The following DGKB variants were observed in gnomAD, a reference collection of about 807,000 sequenced individuals.
DGKB encodes the protein 90 kDa diacylglycerol kinase.
In DGKB, 67 loss-of-function variants were observed where a neutral mutation model predicts 114.3. The ratio of observed to expected loss-of-function variants is 0.59; its 90% CI spans 0.48 to 0.72. DGKB has a LOEUF of 0.72. Ranked by LOEUF, DGKB falls within the 30% of genes least tolerant of loss-of-function variation. DGKB has a pLI of 0.00. For synonymous variants in DGKB, 398 were observed against 323.1 expected, an observed-to-expected ratio of 1.23 and a Z score of -2.49; for missense variants, 907 against 975.2, an observed-to-expected ratio of 0.93 and a Z score of 0.93.
intron 16 of DGKB, among the ~76,000 whole-genome samples, chr7:14,609,937 T>G (rs568492195): frequency 6.6e-6 from 1 of 152,252 alleles, no homozygotes; most frequent in East Asian, 1.9e-4. Context: ...TGTAAATTAG[T>G]TCAGCCATTG....
chr7:14,563,678 T>C (rs1305221022), intron 20 of DGKB, among the ~76,000 whole-genome samples: 1 of 151,832 alleles, frequency 6.6e-6, no homozygotes, highest in Non-Finnish European at 1.5e-5. Context: ...TCTTGGTGGT[T>C]TAATTGGTCC....
chr7:14,971,448 T>C (rs1787462545), intron 1 of DGKB, among the ~76,000 whole-genome samples: 1 of 152,170 alleles, frequency 6.6e-6, no homozygotes, highest in Admixed American at 6.6e-5. Flanking sequence ...ACAAGATAGC[T>C]GTCTGTGTGA....
At chr7:14,856,674 T>C (rs1359896329) in intron 1 of DGKB, among the ~76,000 whole-genome samples, 1 of 152,104 alleles carries the variant, frequency 6.6e-6, no homozygotes, top group Non-Finnish European at 1.5e-5. Flanking sequence ...TGTATATATA[T>C]ATAAAATTTA....
At chr7:14,463,902 T>C (rs888224725) in intron 21 of DGKB, among the ~76,000 whole-genome samples, 3 of 152,182 alleles carry the variant, frequency 2.0e-5, no homozygotes, top group African/African-American at 4.8e-5. Context: ...TTGTAGTCTA[T>C]TGCCACAAGG....
At chr7:14,567,449 TTA>T (rs1231144175) in intron 20 of DGKB, among the ~76,000 whole-genome samples, 5 of 62,938 alleles carry the variant, frequency 7.9e-5, no homozygotes, top group South Asian at 3.8e-4. Flanking sequence ...ATATTATATA[TTA>T]TATATAATTA....
intron 2 of DGKB, among the ~76,000 whole-genome samples, chr7:14,790,419 G>C (rs1171408556): frequency 6.6e-6 from 1 of 150,470 alleles, no homozygotes; most frequent in Non-Finnish European, 1.5e-5. Context: ...CCCAAAAACT[G>C]TTCAGTTTTA....
At chr7:14,690,970 T>C (rs1822748845) in intron 9 of DGKB, among the ~76,000 whole-genome samples, 1 of 152,206 alleles carries the variant, frequency 6.6e-6, no homozygotes, top group East Asian at 1.9e-4. Context: ...TTCTGACCCA[T>C]TCATCTTGTA....
At chr7:14,157,833 A>T (rs888288958) in intron 25 of DGKB, among the ~76,000 whole-genome samples, 1 of 152,190 alleles carries the variant, frequency 6.6e-6, no homozygotes, top group Non-Finnish European at 1.5e-5. Flanking sequence ...CTGTGGTCAC[A>T]TGGAAAATAG....
At chr7:14,411,301 T>C (rs1285304447) in intron 21 of DGKB, among the ~76,000 whole-genome samples, 1 of 152,176 alleles carries the variant, frequency 6.6e-6, no homozygotes, top group Non-Finnish European at 1.5e-5. Context: ...TATTTGACAT[T>C]TTGTTGTAGT....
chr7:14,660,060 GC>G (rs1474833365), intron 13 of DGKB, among the ~76,000 whole-genome samples: 1 of 151,144 alleles, frequency 6.6e-6, no homozygotes, highest in Non-Finnish European at 1.5e-5. Flanking sequence ...TATTGAACCA[GC>G]CTTGCATCCC....
At chr7:14,943,087 G>C (rs1270098601) in intron 1 of DGKB, among the ~76,000 whole-genome samples, 1 of 151,738 alleles carries the variant, frequency 6.6e-6, no homozygotes, top group Non-Finnish European at 1.5e-5. Context: ...ACTGATAATG[G>C]TGTGCTTTAT....
At chr7:14,708,669 C>T (rs1257919697) in intron 6 of DGKB, among the ~76,000 whole-genome samples, 1 of 151,580 alleles carries the variant, frequency 6.6e-6, no homozygotes, top group Non-Finnish European at 1.5e-5. Context: ...CGCATACCTA[C>T]AACTGTCTGA....
intron 2 of DGKB, among the ~76,000 whole-genome samples, chr7:14,799,526 T>G (rs1055103045): frequency 1.3e-5 from 2 of 152,242 alleles, no homozygotes; most frequent in Admixed American, 1.3e-4. Context: ...TCTGTCTCAA[T>G]GGGATTTTTA....
At chr7:14,708,706 A>C (rs774706288) in intron 6 of DGKB, among the ~76,000 whole-genome samples, 37 of 151,532 alleles carry the variant, frequency 2.4e-4, no homozygotes, top group African/African-American at 4.9e-4. Context: ...GAAAAACAAG[A>C]AATGGGGAAA....
intron 1 of DGKB, among the ~76,000 whole-genome samples, chr7:14,967,681 T>C (rs1335681443): frequency 2.0e-5 from 3 of 151,514 alleles, no homozygotes; most frequent in Non-Finnish European, 4.4e-5. Context: ...AAAAAGTCTT[T>C]CATAATTAAA....
chr7:14,653,561 C>A (rs1320572363), intron 13 of DGKB, among the ~76,000 whole-genome samples: 3 of 151,622 alleles, frequency 2.0e-5, no homozygotes, highest in African/African-American at 7.3e-5. Context: ...TGCTAGATGA[C>A]GAGTTAGTGG....
chr7:14,972,909 T>C (rs1011159467), intron 1 of DGKB, among the ~76,000 whole-genome samples: 1 of 152,044 alleles, frequency 6.6e-6, no homozygotes, highest in African/African-American at 2.4e-5. Flanking sequence ...TACATACATA[T>C]AGGTGGGAGC....
intron 1 of DGKB, among the ~76,000 whole-genome samples, chr7:14,886,128 G>T (rs1010538017): frequency 2.0e-5 from 3 of 151,834 alleles, no homozygotes; most frequent in African/African-American, 7.3e-5. Context: ...GTAAGAGTTT[G>T]TAATTGTCTA....
intron 13 of DGKB, among the ~76,000 whole-genome samples, chr7:14,660,665 G>C (rs1816863644): frequency 6.6e-6 from 1 of 151,536 alleles, no homozygotes; most frequent in Admixed American, 6.6e-5. Context: ...TCCCCATCAA[G>C]CTACCAACGA....
Sources: gnomAD v4.1 joint callset for allele counts (sites outside exome capture counted in the v4.1 genomes callset) on GRCh38, gnomAD v4.1.1 for gene constraint, MANE v1.5 for transcripts, NCBI Gene and HGNC (gene_info 2026-07-23, HGNC 2026-07-21) for gene names.